ZNF675: variants seen among roughly 807,000 people sequenced by gnomAD.
The protein encoded by ZNF675 is zinc finger protein 675.
Under a neutral mutation model 56.1 loss-of-function variants are expected in ZNF675, and 36 were observed. The ratio of observed to expected loss-of-function variants is 0.64; its 90% CI spans 0.49 to 0.85. The LOEUF (loss-of-function observed/expected upper bound fraction) is 0.85. Ranked by LOEUF, ZNF675 falls within the 40% of genes least tolerant of loss-of-function variation. The pLI, the probability that ZNF675 is intolerant of heterozygous loss-of-function variation, is 0.00. For synonymous variants in ZNF675, 200 were observed against 218.9 expected, an observed-to-expected ratio of 0.91 and a Z score of 0.76; for missense variants, 663 against 654.2, an observed-to-expected ratio of 1.01 and a Z score of -0.15.
Position 23,653,542 on chromosome 19 carries a change from G to C in ZNF675, c.1391C>G (p.Ser464Cys). 6.2e-7 allele frequency: 1 copy of C among 1,613,248 alleles called. No individual in the cohort carries two copies. The highest frequency in any genetic ancestry group is 8.5e-7 in the Non-Finnish European group (1 of 1,179,780). Residue 464 changes from serine to cysteine, a missense_variant, in exon 4 of 4, where the codon TCC becomes TGC. Around this residue, in one of 3 missense-constraint regions of ZNF675, gnomAD observed 617 missense variants for 590.5 expected, o/e 1.04. Coordinates refer to ENST00000359788, the MANE Select transcript of ZNF675 (RefSeq NM_138330.3). ...TTTCTTATGTTCAGTAAGTTTTGAG[G>C]ATTGGATAAAAGCTTTGCCACATTC... ...CEECGKAFIQ[S>C]SKLTEHKKIH...
At chr19:23,656,613 T>TATATATACAC (rs1449211022) in intron 3 of ZNF675, 8 of 630 alleles carry the variant, frequency 0.013, no homozygotes, top group East Asian at 0.077. Context: ...ACAAAAAAGG[T>TATATATACAC]ATACACACAC....
chr19:23,678,214 A>C (rs538825435), intron 1 of ZNF675, among the ~76,000 whole-genome samples: 5 of 151,842 alleles, frequency 3.3e-5, no homozygotes, highest in Non-Finnish European at 7.4e-5. Flanking sequence ...CATACCACCA[A>C]AAGAAATTTA....
At chr19:23,664,565 T>C (rs1968124239) in intron 1 of ZNF675, among the ~76,000 whole-genome samples, 1 of 152,212 alleles carries the variant, frequency 6.6e-6, no homozygotes, top group Non-Finnish European at 1.5e-5. Context: ...CCTTTGACCA[T>C]TCTTTAGAGC....
intron 3 of ZNF675, among the ~76,000 whole-genome samples, chr19:23,657,570 A>T (rs1280875025): frequency 6.6e-6 from 1 of 152,136 alleles, no homozygotes; most frequent in African/African-American, 2.4e-5. Flanking sequence ...ACAAAAAATT[A>T]GCTGGGCGTG....
At chr19:23,670,446 C>A (rs530100499) in intron 1 of ZNF675, among the ~76,000 whole-genome samples, 3 of 150,650 alleles carry the variant, frequency 2.0e-5, no homozygotes, top group South Asian at 4.3e-4. Flanking sequence ...ACCTACCCCC[C>A]AAAGGAAAGT....
intron 1 of ZNF675, among the ~76,000 whole-genome samples, chr19:23,674,833 A>T (rs932051153): frequency 6.6e-6 from 1 of 151,146 alleles, no homozygotes; most frequent in Non-Finnish European, 1.5e-5. Flanking sequence ...TTAGCTGGGC[A>T]TGGTGGCACA....
intron 1 of ZNF675, among the ~76,000 whole-genome samples, chr19:23,681,529 C>G (rs1460827281): frequency 6.6e-6 from 1 of 151,672 alleles, no homozygotes; most frequent in Non-Finnish European, 1.5e-5. Context: ...CCAGGCCAGG[C>G]CTCTGTGATA....
At chr19:23,686,941 G>T in intron 1 of ZNF675, 90 bp downstream of exon 1, 1 of 1,491,796 alleles carries the variant, frequency 6.7e-7, no homozygotes, top group Non-Finnish European at 9.4e-7. Flanking sequence ...GGAGCTGACT[G>T]CGGGGAGGCC....
Position 23,674,982 on chromosome 19 carries a change from A to AG in ZNF675, c.4-11825_4-11824insC, listed in dbSNP as rs879841313. Among the ~76,000 whole-genome samples, 455 of 61,394 alleles carry AG rather than the reference A, an allele frequency of 7.4e-3. 2 individuals are homozygous for AG. Among genetic ancestry groups the AG allele is most frequent in the South Asian group, 0.021 (22 of 1,058 alleles). 40.3% of individuals were successfully genotyped at this position (61,394 alleles called of 152,430 possible). On this transcript the variant is annotated intron_variant, in intron 1 of 3. Transcript: ENST00000359788. ...GCAAGACTCCATCTCAAAAAAAAAA[A>AG]AAAGAGAGAGAGAGAGCCTTTTATT...
chr19:23,663,253 C>T lies in ZNF675; in HGVS notation c.4-95G>A, dbSNP rs941081173. 4 of 1,449,258 alleles carry T rather than the reference C, an allele frequency of 2.8e-6. No homozygotes were observed. The African/African-American group carries it at 4.4e-5, about 16-fold the overall frequency. 89.8% of individuals were successfully genotyped at this position (1,449,258 alleles called of 1,614,324 possible). On this transcript the variant is annotated intron_variant, in intron 1 of 3. Coordinates refer to ENST00000359788, the MANE Select transcript of ZNF675 (RefSeq NM_138330.3). ...AATGAGAGACTAAAGAGAACAGGTTCTGATTTATAGGAGTGACTGAAATTA... is the reference window on the plus strand; with the variant it reads ...AATGAGAGACTAAAGAGAACAGGTTTTGATTTATAGGAGTGACTGAAATTA...
In ZNF675 at chr19:23,670,055, A is replaced by G. The variant is rs143822020; in HGVS notation, c.4-6897T>C. 5.2e-3 allele frequency among the ~76,000 whole-genome samples: 789 copies of G among 152,062 alleles called. 6 individuals are homozygous for G. Among genetic ancestry groups the G allele is most frequent in the Non-Finnish European group, 8.8e-3 (601 of 67,972 alleles). On this transcript the variant is annotated intron_variant, in intron 1 of 3. Transcript: ENST00000359788. ...AGATGCCCCAGGAAAAATTTGGGTC[A>G]CCTAATGAGCCCTCTACTTTGCAAA...
At chr19:23,677,602 A>G in intron 1 of ZNF675, among the ~76,000 whole-genome samples, 1 of 149,452 alleles carries the variant, frequency 6.7e-6, no homozygotes, top group Non-Finnish European at 1.5e-5. Context: ...GCTACTCAGG[A>G]GGCTGAGGCA....
chr19:23,655,152 G>C (rs2144917638), intron 3 of ZNF675: 1 of 152,486 alleles, frequency 6.6e-6, no homozygotes, highest in Non-Finnish European at 1.5e-5. Context: ...CAGGAGAACT[G>C]CTTGAACCTG....
At chr19:23,673,705 G>A (rs1401274306) in intron 1 of ZNF675, among the ~76,000 whole-genome samples, 1 of 152,080 alleles carries the variant, frequency 6.6e-6, no homozygotes, top group Non-Finnish European at 1.5e-5. Flanking sequence ...AGAGCATTAG[G>A]ACATATATCT....
At chr19:23,661,675 G>C (rs186394755) in intron 3 of ZNF675, among the ~76,000 whole-genome samples, 183 of 152,072 alleles carry the variant, frequency 1.2e-3, no homozygotes, top group Admixed American at 0.011. Flanking sequence ...GGGCTACAGA[G>C]CAAGACTCTG....
At chr19:23,658,723 TAC>T (rs1379438818) in intron 3 of ZNF675, 1 of 63,128 alleles carries the variant, frequency 1.6e-5, no homozygotes, top group East Asian at 5.7e-4. Flanking sequence ...ATGCTATTGT[TAC>T]ACAAAACAAA....
intron 3 of ZNF675, among the ~76,000 whole-genome samples, chr19:23,661,339 T>C (rs1384997253): frequency 6.6e-6 from 1 of 151,168 alleles, no homozygotes; most frequent in Non-Finnish European, 1.5e-5. Context: ...CCTTTATAAT[T>C]TCAAGACTAC....
intron 1 of ZNF675, among the ~76,000 whole-genome samples, chr19:23,676,707 AAG>A (rs2144793079): frequency 6.6e-6 from 1 of 152,032 alleles, no homozygotes; most frequent in South Asian, 2.1e-4. Flanking sequence ...CATACTTCAA[AAG>A]AGTTATCTAC....
chr19:23,673,190 G>C (rs981545592), intron 1 of ZNF675, among the ~76,000 whole-genome samples: 1 of 152,136 alleles, frequency 6.6e-6, no homozygotes, highest in Non-Finnish European at 1.5e-5. Context: ...TCAGAATTTG[G>C]AGCTGCAGAT....
Sources: allele counts gnomAD v4.1 joint callset (sites outside exome capture counted in the v4.1 genomes callset), GRCh38; gene constraint gnomAD v4.1.1; regional missense constraint gnomAD v4.1.1; transcripts MANE v1.5; gene names NCBI Gene and HGNC (gene_info 2026-07-23, HGNC 2026-07-21).